The following SSU72 variants were observed in gnomAD, a reference collection of about 807,000 sequenced individuals.
SSU72 encodes the protein RNA polymerase II subunit A C-terminal domain phosphatase SSU72.
Under a neutral mutation model 22.7 loss-of-function variants are expected in SSU72, and 12 were observed. That is an observed-to-expected ratio of 0.53 (90% CI 0.34 to 0.86). The LOEUF (loss-of-function observed/expected upper bound fraction) is 0.86. Among genes scored for constraint, SSU72 ranks in the 40% least tolerant of loss-of-function variants. The pLI is 0.02. For missense variants in SSU72, 151 were observed against 249.8 expected, an observed-to-expected ratio of 0.60 and a Z score of 2.67; for synonymous variants, 116 against 98.3, an observed-to-expected ratio of 1.18 and a Z score of -1.06.
At chr1:1,545,031 G>GA in intron 2 of SSU72, 29 bp from the exon 3 acceptor site, 1 of 1,606,988 alleles carries the variant, frequency 6.2e-7, no homozygotes. Flanking sequence ...GAACGTCAGA[G>GA]AAAAGGCATC....
intron 1 of SSU72, among the ~76,000 whole-genome samples, chr1:1,565,137 ATGAAGG>A (rs1242482116): frequency 2.0e-5 from 3 of 151,852 alleles, no homozygotes; most frequent in African/African-American, 7.3e-5. Context: ...CAGGCGGATC[ATGAAGG>A]CAGGCGGATC....
intron 3 of SSU72, among the ~76,000 whole-genome samples, 177 bp from the exon 4 acceptor site, chr1:1,544,164 C>T (rs371771100): frequency 1.3e-5 from 2 of 152,194 alleles, no homozygotes; most frequent in African/African-American, 2.4e-5. Context: ...GCTGATGGTT[C>T]GAGGAAACCT....
chr1:1,573,448 A>G (rs978983153), intron 1 of SSU72, among the ~76,000 whole-genome samples: 2 of 46,368 alleles, frequency 4.3e-5, no homozygotes, highest in South Asian at 1.9e-3. Flanking sequence ...AAAAAAAAAA[A>G]AAAAAAAAGA....
Position 1,564,903 on chromosome 1 carries a change from T to C in SSU72, c.94A>G (p.Ser32Gly). 6.2e-7 allele frequency: 1 copy of C among 1,602,202 alleles called. No homozygotes were observed. The highest frequency in any genetic ancestry group is 8.5e-7 in the Non-Finnish European group (1 of 1,174,072). Reference protein sequence around the residue: ...AHNILSKRGFSVRSFGTGTHV... With the variant: ...AHNILSKRGFGVRSFGTGTHV... ...GTCCCTGTTCCAAAGGATCGGACGC[T>C]GAATCCCCGTTTGCTGAAAGACAAA... Residue 32 changes from serine (S) to glycine (G), a missense_variant, in exon 2 of 5, where the codon AGC (serine) becomes GGC (glycine). Transcript: ENST00000291386.
chr1:1,553,254 CCT>C (rs1015504494), intron 2 of SSU72, among the ~76,000 whole-genome samples: 2 of 152,026 alleles, frequency 1.3e-5, no homozygotes, highest in African/African-American at 4.8e-5. Flanking sequence ...CGGCTCGGCC[CCT>C]CTGTGCCCCC....
In SSU72 at chr1:1,550,672, A is replaced by G. The variant is rs3753335; in HGVS notation, c.225-5670T>C. ...ACGAGGCAGTGATCTCGCCTGGCAG[A>G]GCCTCAACACTGTTCTGTTGTGGGA... On this transcript the variant is annotated intron_variant, in intron 2 of 4. Coordinates refer to ENST00000291386, the MANE Select transcript of SSU72 (RefSeq NM_014188.3). 2.2e-4 allele frequency among the ~76,000 whole-genome samples: 33 copies of G among 152,250 alleles called. 1 individual carries two copies. In the East Asian group the frequency reaches 6.2e-3, roughly 29 times the overall value.
intron 2 of SSU72, among the ~76,000 whole-genome samples, chr1:1,548,390 T>C (rs1170756557): frequency 2.0e-5 from 3 of 152,222 alleles, no homozygotes; most frequent in Non-Finnish European, 2.9e-5. Context: ...AACTCATCTA[T>C]ACCAAATTAC....
chr1:1,553,955 A>G (rs1642485747), intron 2 of SSU72, among the ~76,000 whole-genome samples: 1 of 152,142 alleles, frequency 6.6e-6, no homozygotes, highest in African/African-American at 2.4e-5. Context: ...GTCACTATGG[A>G]CTGTCTCAAG....
In SSU72 at chr1:1,542,875, A is replaced by C. The variant is rs535513020; in HGVS notation, c.484-708T>G. ...CAGCAGCCACACTGGACCGTGAGGC[A>C]CGTGGGGACCAGAAGCCATGCTGGG... is the stretch of plus-strand genomic sequence containing the variant. On this transcript the variant is annotated intron_variant, in intron 4 of 4. Coordinates refer to ENST00000291386, the MANE Select transcript of SSU72 (RefSeq NM_014188.3). The surrounding 1 kb of genome is among the most constrained non-coding windows in gnomAD (Gnocchi z 4.4). Among the ~76,000 whole-genome samples, 63 of 152,340 alleles carry C rather than the reference A, an allele frequency of 4.1e-4. No individual in the cohort carries two copies. The highest frequency in any genetic ancestry group is 1.5e-3 in the African/African-American group (62 of 41,582).
intron 1 of SSU72, among the ~76,000 whole-genome samples, chr1:1,569,182 AAAT>A: frequency 6.6e-6 from 1 of 152,148 alleles, no homozygotes; most frequent in African/African-American, 2.4e-5. Context: ...TCAAAAAATA[AAAT>A]AAAAGAAAAA....
In SSU72 at chr1:1,574,661, G is replaced by A. The variant is rs1366357268; in HGVS notation, c.-104C>T. ...GCCGCGGTGGCCGGAAGCGGGCGACGCGAAACGACGGCGCCGGCGGTGTAG... is the reference window on the plus strand; with the variant it reads ...GCCGCGGTGGCCGGAAGCGGGCGACACGAAACGACGGCGCCGGCGGTGTAG... On this transcript the variant is annotated 5_prime_UTR_variant, in exon 1 of 5. Transcript: ENST00000291386. 8 of 1,189,210 alleles carry A rather than the reference G, an allele frequency of 6.7e-6. No individual in the cohort carries two copies. The highest frequency in any genetic ancestry group is 8.0e-6 in the Non-Finnish European group (7 of 875,556). The allele number at this position is 1,189,210 out of a possible 1,614,324, so 73.7% of individuals were successfully genotyped here. A position where few individuals can be genotyped will look rare whatever the true frequency, so the allele number is the denominator to read the frequency against.
chr1:1,571,366 G>A (rs1374827781), intron 1 of SSU72, among the ~76,000 whole-genome samples: 1 of 149,986 alleles, frequency 6.7e-6, no homozygotes, highest in Non-Finnish European at 1.5e-5. Flanking sequence ...GGGATGCAGA[G>A]GTTGCAGTGA....
rs1393741425 is a variant in SSU72, at chr1:1,542,721, G to A, written c.484-554C>T. Among the ~76,000 whole-genome samples, 1 of 152,094 alleles carries A rather than the reference G, an allele frequency of 6.6e-6. No individual in the cohort carries two copies. The highest frequency in any genetic ancestry group is 1.5e-5 in the Non-Finnish European group (1 of 68,036). ...CCAGCACCCAGTGCCTCTAAGCAAG[G>A]AGCGGCCTGTCTGTGACTCAGCTCT... On this transcript the variant is annotated intron_variant, in intron 4 of 4. Transcript: ENST00000291386. The surrounding 1 kb of genome is among the most constrained non-coding windows in gnomAD (Gnocchi z 4.4).
chr1:1,550,601 C>T (rs1642444559), intron 2 of SSU72, among the ~76,000 whole-genome samples: 1 of 152,220 alleles, frequency 6.6e-6, no homozygotes, highest in South Asian at 2.1e-4. Context: ...GCTGCTGGCC[C>T]CCCTCAAGTG....
intron 2 of SSU72, among the ~76,000 whole-genome samples, chr1:1,553,191 G>C (rs1642474272): frequency 6.6e-6 from 1 of 152,060 alleles, no homozygotes; most frequent in Non-Finnish European, 1.5e-5. Context: ...AGAAACCCTG[G>C]ATCTGTAACC....
chr1:1,554,093 G>C lies in SSU72; in HGVS notation c.225-9091C>G, dbSNP rs553043948. ...CTCTAAAGAGAAACGAGGAGGAAGT[G>C]CAGCTCCAGGGAGTGGAGCGGTTGT... On this transcript the variant is annotated intron_variant, in intron 2 of 4. Transcript: ENST00000291386. This position sits in a 1 kb window ranked among gnomAD's most constrained non-coding sequence, Gnocchi z 4.1. Among the ~76,000 whole-genome samples, 12 of 152,368 alleles carry C rather than the reference G, an allele frequency of 7.9e-5. No individual in the cohort carries two copies. In the South Asian group the frequency reaches 2.5e-3, roughly 32 times the overall value.
chr1:1,573,529 G>C (rs1642766236), intron 1 of SSU72, among the ~76,000 whole-genome samples: 1 of 151,454 alleles, frequency 6.6e-6, no homozygotes, highest in African/African-American at 2.4e-5. Context: ...GGTGTTTTTT[G>C]GTCTCCAACT....
intron 2 of SSU72, among the ~76,000 whole-genome samples, chr1:1,556,335 A>G (rs57450044): frequency 1.0e-3 from 157 of 152,270 alleles, no homozygotes; most frequent in African/African-American, 3.6e-3. Context: ...TGGGAAGCTG[A>G]GGCAGGAGAA....
chr1:1,555,099 G>A (rs1642504700), intron 2 of SSU72, among the ~76,000 whole-genome samples: 2 of 152,112 alleles, frequency 1.3e-5, no homozygotes, highest in South Asian at 4.1e-4. Context: ...GATTGTCCCG[G>A]TAACTGAGTG....
Sources: gnomAD v4.1 joint callset for allele counts (sites outside exome capture counted in the v4.1 genomes callset) on GRCh38, gnomAD v4.1.1 for gene constraint, Gnocchi (gnomAD v3.1) non-coding constraint, MANE v1.5 for transcripts, NCBI Gene and HGNC (gene_info 2026-07-23, HGNC 2026-07-21) for gene names.